The following MYO1B variants were observed in gnomAD, a reference collection of about 807,000 sequenced individuals.
The protein encoded by MYO1B is myosin IB.
In MYO1B, 72 loss-of-function variants were observed where a neutral mutation model predicts 159.7. The ratio of observed to expected loss-of-function variants is 0.45; its 90% CI spans 0.37 to 0.55. MYO1B has a LOEUF of 0.55. MYO1B is among the 20% of genes least tolerant of loss of function. The probability of loss-of-function intolerance (pLI) is 0.00; values close to 1 mark genes in which losing one functional copy is unlikely to be tolerated. For missense variants in MYO1B, 1,062 were observed against 1,364.8 expected (o/e 0.78, Z 3.50); for synonymous variants, 468 against 473.8 (o/e 0.99, Z 0.16).
At chr2:191,349,769 G>A (rs559782602) in intron 6 of MYO1B, among the ~76,000 whole-genome samples, 3 of 152,074 alleles carry the variant, frequency 2.0e-5, no homozygotes, top group Non-Finnish European at 4.4e-5. Context: ...CCTAGCAATG[G>A]CTTAAAACAT....
intron 5 of MYO1B, among the ~76,000 whole-genome samples, chr2:191,345,896 G>A (rs1692536283): frequency 6.6e-6 from 1 of 152,150 alleles, no homozygotes; most frequent in South Asian, 2.1e-4. Flanking sequence ...GATAATCCTA[G>A]AAGAGCATGA....
At chr2:191,354,630 A>G (rs925045879) in intron 7 of MYO1B, among the ~76,000 whole-genome samples, 4 of 152,018 alleles carry the variant, frequency 2.6e-5, no homozygotes, top group Non-Finnish European at 4.4e-5. Flanking sequence ...CCCGCCCCCT[A>G]CAACCTCAAA....
intron 29 of MYO1B, 123 bp from the exon 30 acceptor site, chr2:191,415,992 G>T: frequency 1.8e-6 from 2 of 1,118,050 alleles, no homozygotes; most frequent in Non-Finnish European, 2.6e-6. Context: ...TGTTTACCTT[G>T]GGAGAATGGA....
chr2:191,397,403 C>T (rs896034376), intron 21 of MYO1B, among the ~76,000 whole-genome samples: 11 of 149,686 alleles, frequency 7.3e-5, no homozygotes, highest in Non-Finnish European at 3.0e-5. Flanking sequence ...TCTTAACGAG[C>T]ATGCTGACTT....
intron 2 of MYO1B, among the ~76,000 whole-genome samples, chr2:191,289,874 GA>G (rs1688596137): frequency 6.6e-6 from 1 of 152,142 alleles, no homozygotes; most frequent in Non-Finnish European, 1.5e-5. Flanking sequence ...TGACTTTTTA[GA>G]AGAAGTTTTA....
At chr2:191,356,337 C>CTTTTTTTTTTTTTTT (rs79525897) in intron 7 of MYO1B, among the ~76,000 whole-genome samples, 3 of 106,462 alleles carry the variant, frequency 2.8e-5, no homozygotes, top group South Asian at 3.4e-4. Context: ...GGCTGGGCTT[C>CTTTTTTTTTTTTTTT]TTTTTTTTTT....
chr2:191,294,784 A>G (rs1264010924), intron 2 of MYO1B, among the ~76,000 whole-genome samples: 1 of 151,670 alleles, frequency 6.6e-6, no homozygotes, highest in Non-Finnish European at 1.5e-5. Context: ...TTCTTACAGG[A>G]TGAAAGTGTG....
intron 22 of MYO1B, 43 bp downstream of exon 22, chr2:191,400,511 G>A (rs145520882): frequency 4.0e-5 from 64 of 1,599,430 alleles, no homozygotes; most frequent in Admixed American, 2.8e-4. Context: ...CAGCAGTAAC[G>A]TCATGTGGAA....
In MYO1B at chr2:191,413,438, C is replaced by T. The variant is rs1697371177; in HGVS notation, c.2874-610C>T. The stretch of plus-strand genomic sequence containing the variant: ...AGCACCACTGTAAAGCTGAAAAACC[C>T]TAAGTCAAACCAAGTCAGAGACCAT... On this transcript the variant is annotated intron_variant, in intron 27 of 30. Coordinates refer to ENST00000392318, the MANE Select transcript of MYO1B (RefSeq NM_001130158.3). Among the ~76,000 whole-genome samples the T allele has an allele frequency of 2.6e-5, 4 of 152,148 alleles. No homozygotes were observed. The South Asian group carries it at 8.3e-4, about 32-fold the overall frequency.
intron 24 of MYO1B, among the ~76,000 whole-genome samples, chr2:191,405,472 T>G (rs541925546): frequency 1.4e-4 from 21 of 152,356 alleles, no homozygotes; most frequent in Admixed American, 5.2e-4. Flanking sequence ...GGAAAGTTTT[T>G]AATTTACTTT....
intron 30 of MYO1B, among the ~76,000 whole-genome samples, chr2:191,422,057 A>C (rs1022028000): frequency 6.6e-6 from 1 of 152,184 alleles, no homozygotes; most frequent in Non-Finnish European, 1.5e-5. Flanking sequence ...AATGTTTGCA[A>C]AATGTGGCCT....
intron 5 of MYO1B, among the ~76,000 whole-genome samples, chr2:191,345,003 G>A (rs1177524371): frequency 2.6e-5 from 4 of 152,134 alleles, no homozygotes; most frequent in East Asian, 1.9e-4. Flanking sequence ...ATTTTAGCCC[G>A]TAGTTCTCAT....
intron 2 of MYO1B, among the ~76,000 whole-genome samples, chr2:191,286,922 C>A (rs1011553260): frequency 2.6e-5 from 4 of 152,078 alleles, no homozygotes; most frequent in Non-Finnish European, 5.9e-5. Flanking sequence ...CAGAGCTAGA[C>A]CCTGTCTCAA....
chr2:191,265,245 T>C (rs1687068708), intron 1 of MYO1B, among the ~76,000 whole-genome samples: 1 of 151,774 alleles, frequency 6.6e-6, no homozygotes, highest in African/African-American at 2.4e-5. Flanking sequence ...CCAGGCTGTT[T>C]TATGTGAGTG....
intron 4 of MYO1B, among the ~76,000 whole-genome samples, chr2:191,330,428 C>T (rs1331584824): frequency 6.6e-6 from 1 of 152,144 alleles, no homozygotes; most frequent in Non-Finnish European, 1.5e-5. Context: ...AGGGAAGATA[C>T]CAGAAAAATG....
intron 13 of MYO1B, among the ~76,000 whole-genome samples, chr2:191,371,582 C>T (rs994361388): frequency 5.3e-5 from 8 of 152,148 alleles, no homozygotes; most frequent in Non-Finnish European, 7.3e-5. Flanking sequence ...AGCTACTTAG[C>T]GGCAGACTCA....
At chr2:191,405,978 A>G (rs1181474695) in intron 24 of MYO1B, among the ~76,000 whole-genome samples, 3 of 152,262 alleles carry the variant, frequency 2.0e-5, no homozygotes, top group Non-Finnish European at 4.4e-5. Context: ...TCTAGATGGC[A>G]TCTTCTTCCA....
At chr2:191,352,382 T>C (rs1692982474) in intron 7 of MYO1B, among the ~76,000 whole-genome samples, 1 of 152,218 alleles carries the variant, frequency 6.6e-6, no homozygotes, top group Non-Finnish European at 1.5e-5. Context: ...TTACAGAACT[T>C]ATAGCTGAAC....
At chr2:191,341,161 T>C (rs1255040942) in intron 4 of MYO1B, among the ~76,000 whole-genome samples, 1 of 152,146 alleles carries the variant, frequency 6.6e-6, no homozygotes, top group Non-Finnish European at 1.5e-5. Context: ...ATAATAATTA[T>C]ATATAAATGA....
Sources: allele counts gnomAD v4.1 joint callset (sites outside exome capture counted in the v4.1 genomes callset), GRCh38; gene constraint gnomAD v4.1.1; transcripts MANE v1.5; gene names NCBI Gene and HGNC (gene_info 2026-07-23, HGNC 2026-07-21).